SNAP91: variants seen among roughly 807,000 people sequenced by gnomAD.
The protein encoded by SNAP91 is synaptosome associated protein 91.
SNAP91 carries 27 observed loss-of-function variants against 100.3 expected under a neutral mutation model. The observed-to-expected ratio is 0.27, with a 90% CI of 0.20 to 0.37. The LOEUF is 0.37. Among genes scored for constraint, SNAP91 ranks in the 10% least tolerant of loss-of-function variants. SNAP91 has a pLI of 1.00. For synonymous variants in SNAP91, 404 were observed against 398.6 expected (o/e 1.01, Z -0.16); for missense variants, 986 against 1,123.7 (o/e 0.88, Z 1.75).
intron 21 of SNAP91, 147 bp from the exon 22 acceptor site, chr6:83,591,441 A>G (rs1185741635): frequency 1.8e-6 from 1 of 554,442 alleles, no homozygotes; most frequent in East Asian, 2.9e-5. Context: ...GATCACATGA[A>G]TTGAATTATG....
In SNAP91 at chr6:83,678,968, G is replaced by A. The variant is rs534219987; in HGVS notation, c.131-13387C>T. The A allele has an allele frequency of 3.3e-5, 30 of 912,234 alleles. No individual in the cohort carries two copies. In the Admixed American group the frequency reaches 1.1e-3, roughly 34 times the overall value. The allele number at this position is 912,234 out of a possible 1,614,324, so 56.5% of individuals were successfully genotyped here. On this transcript the variant is annotated intron_variant, in intron 2 of 29. Coordinates refer to ENST00000369694, the MANE Select transcript of SNAP91 (RefSeq NM_001242792.2). ...TGAAATGAAAAAAAAAAATACAGCT[G>A]GCCTTCTATATCCACAAGGTCCACA... is the stretch of plus-strand genomic sequence containing the variant.
At chr6:83,675,827 A>AACACAGACAC (rs2098864412) in intron 2 of SNAP91, among the ~76,000 whole-genome samples, 1 of 138,198 alleles carries the variant, frequency 7.2e-6, no homozygotes. Context: ...CACTTGAAGG[A>AACACAGACAC]ACACACACAC....
chr6:83,683,979 T>C (rs1490901254), intron 2 of SNAP91, among the ~76,000 whole-genome samples: 2 of 152,198 alleles, frequency 1.3e-5, no homozygotes, highest in African/African-American at 4.8e-5. Flanking sequence ...ATCTTCGAAC[T>C]ATCTTCTGTG....
At chr6:83,593,801 C>T (rs2094132860) in intron 17 of SNAP91, 60 bp from the exon 18 acceptor site, 1 of 1,509,996 alleles carries the variant, frequency 6.6e-7, no homozygotes, top group South Asian at 1.3e-5. Flanking sequence ...CAAGAGACAG[C>T]ATCATAACTA....
intron 8 of SNAP91, among the ~76,000 whole-genome samples, chr6:83,627,298 G>A (rs1423198519): frequency 1.3e-5 from 2 of 151,998 alleles, no homozygotes; most frequent in Non-Finnish European, 2.9e-5. Flanking sequence ...AGGGATATTG[G>A]CTTGTAGTTT....
At chr6:83,622,971 G>T (rs1428171838) in intron 9 of SNAP91, among the ~76,000 whole-genome samples, 1 of 152,050 alleles carries the variant, frequency 6.6e-6, no homozygotes. Flanking sequence ...ATCAGGCCTA[G>T]AAATAGTGAC....
chr6:83,673,423 C>G (rs566193172), intron 2 of SNAP91, among the ~76,000 whole-genome samples: 72 of 152,266 alleles, frequency 4.7e-4, no homozygotes, highest in African/African-American at 1.7e-3. Flanking sequence ...CTCACCAAAA[C>G]CTGACTATGC....
At chr6:83,682,082 T>A (rs1010121401) in intron 2 of SNAP91, among the ~76,000 whole-genome samples, 19 of 151,678 alleles carry the variant, frequency 1.3e-4, no homozygotes, top group African/African-American at 4.4e-4. Flanking sequence ...AAAAAAAGAG[T>A]CCTTCCTCCT....
chr6:83,580,320 C>A (rs1323810063), intron 24 of SNAP91, 130 bp downstream of exon 24: 2 of 901,854 alleles, frequency 2.2e-6, no homozygotes, highest in Non-Finnish European at 1.6e-6. Flanking sequence ...TCTATTCCCT[C>A]CCTGCCATAC....
chr6:83,678,669 C>G (rs2098944365), intron 2 of SNAP91: 1 of 973,948 alleles, frequency 1.0e-6, no homozygotes, highest in Non-Finnish European at 1.4e-6. Context: ...AAGGTTATCA[C>G]AGCACTGGAT....
At chr6:83,631,945 A>G (rs1022429697) in intron 8 of SNAP91, among the ~76,000 whole-genome samples, 3 of 151,960 alleles carry the variant, frequency 2.0e-5, no homozygotes, top group Non-Finnish European at 4.4e-5. Context: ...TATAGGTCCT[A>G]TGAGATTTAT....
intron 28 of SNAP91, among the ~76,000 whole-genome samples, chr6:83,558,683 G>A (rs1562083065): frequency 6.6e-6 from 1 of 152,194 alleles, no homozygotes; most frequent in Non-Finnish European, 1.5e-5. Context: ...GGATAAGACA[G>A]TATAAATACT....
At chr6:83,623,586 A>C (rs1267640273) in intron 8 of SNAP91, among the ~76,000 whole-genome samples, 1 of 152,138 alleles carries the variant, frequency 6.6e-6, no homozygotes, top group Non-Finnish European at 1.5e-5. Context: ...ATCCAAAAAC[A>C]AATGACAACA....
At chr6:83,618,802 ACTT>A (rs909722777) in intron 9 of SNAP91, among the ~76,000 whole-genome samples, 4 of 151,918 alleles carry the variant, frequency 2.6e-5, no homozygotes, top group Non-Finnish European at 5.9e-5. Flanking sequence ...AAGCCATAGA[ACTT>A]CTTTCCAGTT....
intron 8 of SNAP91, among the ~76,000 whole-genome samples, chr6:83,633,957 G>C (rs535449085): frequency 6.6e-6 from 1 of 151,812 alleles, no homozygotes; most frequent in Non-Finnish European, 1.5e-5. Context: ...TGTTGTGGGT[G>C]GGGGGAGGGC....
chr6:83,669,230 C>T (rs1233970575), intron 2 of SNAP91, among the ~76,000 whole-genome samples: 2 of 151,834 alleles, frequency 1.3e-5, no homozygotes, highest in African/African-American at 2.4e-5. Flanking sequence ...AGTGTTTTTC[C>T]ATAGTCATTG....
At chr6:83,558,564 A>G (rs577817598) in intron 28 of SNAP91, among the ~76,000 whole-genome samples, 1 of 152,334 alleles carries the variant, frequency 6.6e-6, no homozygotes, top group Middle Eastern at 3.4e-3. Flanking sequence ...GGGCAAAGTG[A>G]AGAAGCTGAA....
At chr6:83,562,803 A>T (rs985932102) in intron 26 of SNAP91, among the ~76,000 whole-genome samples, 1 of 152,110 alleles carries the variant, frequency 6.6e-6, no homozygotes, top group Admixed American at 6.5e-5. Flanking sequence ...GACCCCAATA[A>T]AGGCCTTGGC....
intron 26 of SNAP91, among the ~76,000 whole-genome samples, chr6:83,561,501 T>C (rs1023352371): frequency 3.3e-5 from 5 of 152,350 alleles, no homozygotes; most frequent in African/African-American, 9.6e-5. Flanking sequence ...ACTACTGACT[T>C]GATGTTCTCT....
Sources: gnomAD v4.1 joint callset for allele counts (sites outside exome capture counted in the v4.1 genomes callset) on GRCh38, gnomAD v4.1.1 for gene constraint, MANE v1.5 for transcripts, NCBI Gene and HGNC (gene_info 2026-07-23, HGNC 2026-07-21) for gene names.